The following TFCP2 variants were observed in gnomAD, a reference collection of about 807,000 sequenced individuals.
TFCP2 encodes alpha-globin transcription factor CP2.
TFCP2 carries 33 observed loss-of-function variants against 73.4 expected under a neutral mutation model. That is an observed-to-expected ratio of 0.45 (90% CI 0.34 to 0.60). The LOEUF (loss-of-function observed/expected upper bound fraction) is 0.60. Among genes scored for constraint, TFCP2 ranks in the 20% least tolerant of loss-of-function variants. TFCP2 has a pLI of 0.01. For synonymous variants in TFCP2, 193 were observed against 211.6 expected (o/e 0.91, Z 0.76); for missense variants, 352 against 604.0 (o/e 0.58, Z 4.37).
At chr12:51,105,450 T>C (rs968481968) in intron 8 of TFCP2, among the ~76,000 whole-genome samples, 1 of 152,154 alleles carries the variant, frequency 6.6e-6, no homozygotes, top group African/African-American at 2.4e-5. Context: ...TGCCTACTTT[T>C]ATGGAAGAAA....
At chr12:51,099,897 T>G in intron 11 of TFCP2, 118 bp from the exon 12 acceptor site, 1 of 1,260,830 alleles carries the variant, frequency 7.9e-7, no homozygotes, top group Non-Finnish European at 1.1e-6. Context: ...TGGAAGCTCA[T>G]TGGCCAAATG....
intron 5 of TFCP2, among the ~76,000 whole-genome samples, chr12:51,110,393 A>G (rs1245137664): frequency 3.3e-5 from 5 of 152,098 alleles, no homozygotes; most frequent in African/African-American, 1.2e-4. Flanking sequence ...GCATGGCGAA[A>G]TCCCACCTCT....
At chr12:51,097,116 C>A (rs898745356) in intron 13 of TFCP2, among the ~76,000 whole-genome samples, 1 of 151,842 alleles carries the variant, frequency 6.6e-6, no homozygotes, top group African/African-American at 2.4e-5. Context: ...GCACGTGCCA[C>A]CACACCCGGC....
chr12:51,141,076 T>C lies in TFCP2; in HGVS notation c.123-22304A>G, dbSNP rs567463754. Among the ~76,000 whole-genome samples the C allele has an allele frequency of 2.9e-5, 4 of 139,180 alleles. No individual in the cohort carries two copies. The East Asian group carries it at 6.2e-4, about 22-fold the overall frequency. 91.3% of individuals were successfully genotyped at this position (139,180 alleles called of 152,430 possible). ...GTCTAAAAAATACAAATAATGATAATAATAATAAAAAAATAATATTTTTTA... is the reference window on the plus strand; with the variant it reads ...GTCTAAAAAATACAAATAATGATAACAATAATAAAAAAATAATATTTTTTA... On this transcript the variant is annotated intron_variant, in intron 1 of 14. Coordinates refer to ENST00000257915, the MANE Select transcript of TFCP2 (RefSeq NM_005653.5).
intron 1 of TFCP2, among the ~76,000 whole-genome samples, chr12:51,161,990 A>T (rs1445771677): frequency 6.6e-6 from 1 of 152,052 alleles, no homozygotes; most frequent in Non-Finnish European, 1.5e-5. Flanking sequence ...TATAAAAATG[A>T]ATCAAATAGC....
intron 1 of TFCP2, among the ~76,000 whole-genome samples, chr12:51,163,805 G>A (rs1201148263): frequency 6.6e-6 from 1 of 151,746 alleles, no homozygotes; most frequent in East Asian, 1.9e-4. Flanking sequence ...AAGACCTTAA[G>A]TCAATACTCT....
At chr12:51,099,505 C>A (rs1940055134) in intron 12 of TFCP2, 150 bp downstream of exon 12, 2 of 1,051,742 alleles carry the variant, frequency 1.9e-6, no homozygotes, top group Admixed American at 4.7e-5. Context: ...ATGGCACCTG[C>A]CATGTATTAG....
intron 1 of TFCP2, among the ~76,000 whole-genome samples, chr12:51,149,365 A>G (rs1941371447): frequency 1.3e-5 from 2 of 152,206 alleles, no homozygotes; most frequent in Admixed American, 1.3e-4. Flanking sequence ...AGAAATCACC[A>G]CTAAAGAACT....
At chr12:51,095,813 CAAAAAAAAAA>C (rs34105291) in intron 14 of TFCP2, among the ~76,000 whole-genome samples, 166 bp downstream of exon 14, 3 of 84,198 alleles carry the variant, frequency 3.6e-5, no homozygotes, top group South Asian at 4.9e-4. Context: ...GACTCTGTTT[CAAAAAAAAAA>C]AAAAAAAAAA....
At position 51,160,576 on chromosome 12, in the gene TFCP2, A is replaced by G. The variant is rs1472665700; in HGVS notation, c.122+11725T>C. Among the ~76,000 whole-genome samples the G allele has an allele frequency of 1.7e-4, 26 of 152,154 alleles. 1 individual carries two copies. Among genetic ancestry groups the G allele is most frequent in the Admixed American group, 1.7e-3 (26 of 15,272 alleles). ...TGGATGAGTGTGTGTGCGCGCATAC[A>G]CTGAGAAGGAGGGTTGGATCAACTA... is the stretch of plus-strand genomic sequence containing the variant. On this transcript the variant is annotated intron_variant, in intron 1 of 14. Transcript: ENST00000257915.
intron 1 of TFCP2, among the ~76,000 whole-genome samples, chr12:51,157,565 A>G (rs1200987795): frequency 6.6e-6 from 1 of 151,568 alleles, no homozygotes; most frequent in African/African-American, 2.4e-5. Context: ...AAGCATAGAG[A>G]TTACACATGT....
chr12:51,144,832 C>A lies in TFCP2; in HGVS notation c.123-26060G>T, dbSNP rs147749029. Among the ~76,000 whole-genome samples the A allele has an allele frequency of 4.6e-3, 703 of 152,264 alleles. 2 individuals carry two copies. Among genetic ancestry groups the A allele is most frequent in the Middle Eastern group, 0.034 (10 of 294 alleles). ...ATCCCAACACTTTGGGAGGCTGAGG[C>A]GGGAGGATCACTTGAGGTCAAGGGT... is the stretch of plus-strand genomic sequence containing the variant. On this transcript the variant is annotated intron_variant, in intron 1 of 14. Transcript: ENST00000257915.
chr12:51,117,461 G>A (rs10876138), intron 3 of TFCP2, among the ~76,000 whole-genome samples: 84,590 of 152,010 alleles, frequency 0.56, 24,361 homozygotes, highest in Non-Finnish European at 0.63. Context: ...TTCTATTTCT[G>A]CAGCTCTGAA....
intron 13 of TFCP2, 72 bp downstream of exon 13, chr12:51,098,704 G>A: frequency 2.6e-6 from 4 of 1,537,142 alleles, no homozygotes; most frequent in Non-Finnish European, 3.6e-6. Flanking sequence ...TCTGCCCCAG[G>A]AGAACTGCTC....
chr12:51,149,368 A>G (rs1018723952), intron 1 of TFCP2, among the ~76,000 whole-genome samples: 5 of 152,204 alleles, frequency 3.3e-5, no homozygotes, highest in Non-Finnish European at 5.9e-5. Context: ...AATCACCACT[A>G]AAGAACTTAT....
chr12:51,167,895 T>C (rs1412551355), intron 1 of TFCP2, among the ~76,000 whole-genome samples: 1 of 151,936 alleles, frequency 6.6e-6, no homozygotes, highest in African/African-American at 2.4e-5. Flanking sequence ...ATCTAGTCTC[T>C]ACAAAAAGTA....
intron 4 of TFCP2, among the ~76,000 whole-genome samples, chr12:51,115,510 A>G (rs1371993691): frequency 6.6e-6 from 1 of 152,184 alleles, no homozygotes; most frequent in East Asian, 1.9e-4. Context: ...AAAATCTAAG[A>G]TAGAGTTACC....
At position 51,094,017 on chromosome 12, in the gene TFCP2, T is replaced by A. The variant is rs1400229614; in HGVS notation, c.*1224A>T. 1 of 151,504 alleles carries A rather than the reference T, an allele frequency of 6.6e-6. No individual in the cohort carries two copies. The highest frequency in any genetic ancestry group is 1.5e-5 in the Non-Finnish European group (1 of 67,956). 9.4% of individuals were successfully genotyped at this position (151,504 alleles called of 1,614,324 possible). On this transcript the variant is annotated 3_prime_UTR_variant, in exon 15 of 15. Transcript: ENST00000257915. ...CACACACACACACACACACAATCAT[T>A]CTTAAGGAAGAACAAAAACATGGTA... is the stretch of plus-strand genomic sequence containing the variant.
intron 1 of TFCP2, among the ~76,000 whole-genome samples, chr12:51,130,463 C>T (rs1055801557): frequency 2.7e-5 from 4 of 148,162 alleles, no homozygotes; most frequent in African/African-American, 9.8e-5. Flanking sequence ...TAGAACGAGA[C>T]TCCGTCTCAA....
Sources: gnomAD v4.1 joint callset for allele counts (sites outside exome capture counted in the v4.1 genomes callset) on GRCh38, gnomAD v4.1.1 for gene constraint, MANE v1.5 for transcripts, NCBI Gene and HGNC (gene_info 2026-07-23, HGNC 2026-07-21) for gene names.